Variants in KIAA1328 observed in about 807,000 individuals in gnomAD.
The protein encoded by KIAA1328 is protein hinderin.
KIAA1328 carries 52 observed loss-of-function variants against 68.1 expected under a neutral mutation model. That is an observed-to-expected ratio of 0.76 (90% CI 0.61 to 0.96). KIAA1328 has a LOEUF of 0.96. KIAA1328 is among the 40% of genes least tolerant of loss of function. The pLI is 0.00. For missense variants in KIAA1328, 641 were observed against 677.6 expected, an observed-to-expected ratio of 0.95 and a Z score of 0.60; for synonymous variants, 232 against 239.4, an observed-to-expected ratio of 0.97 and a Z score of 0.28.
At chr18:36,971,320 G>C (rs1368534682) in intron 6 of KIAA1328, among the ~76,000 whole-genome samples, 1 of 152,108 alleles carries the variant, frequency 6.6e-6, no homozygotes, top group Non-Finnish European at 1.5e-5. Flanking sequence ...AGACTTAAAC[G>C]TAAGACCTAA....
intron 9 of KIAA1328, among the ~76,000 whole-genome samples, chr18:37,221,366 C>A (rs778371996): frequency 6.6e-6 from 1 of 152,202 alleles, no homozygotes; most frequent in Non-Finnish European, 1.5e-5. Flanking sequence ...TAGCCTCTTA[C>A]ACATGAAAAG....
intron 6 of KIAA1328, among the ~76,000 whole-genome samples, chr18:37,057,682 G>A (rs1303653465): frequency 6.6e-6 from 1 of 151,356 alleles, no homozygotes; most frequent in Non-Finnish European, 1.5e-5. Context: ...TGATCCACCT[G>A]CCTCGGCCTC....
At chr18:37,130,164 A>G (rs1599372366) in intron 7 of KIAA1328, among the ~76,000 whole-genome samples, 2 of 152,210 alleles carry the variant, frequency 1.3e-5, no homozygotes, top group African/African-American at 4.8e-5. Context: ...TATGTATAAT[A>G]TATAGCATAA....
chr18:37,092,420 T>C (rs989921127), intron 7 of KIAA1328, among the ~76,000 whole-genome samples: 4 of 151,852 alleles, frequency 2.6e-5, no homozygotes, highest in Non-Finnish European at 5.9e-5. Flanking sequence ...CCACTGTGAG[T>C]CCTGCAGTCT....
chr18:37,203,812 C>CTT (rs758996149), intron 9 of KIAA1328, among the ~76,000 whole-genome samples: 24 of 142,288 alleles, frequency 1.7e-4, no homozygotes, highest in Non-Finnish European at 2.5e-4. Context: ...AACCCAGATT[C>CTT]TTTTTTTTTT....
chr18:37,215,242 A>G (rs535463634), intron 9 of KIAA1328, among the ~76,000 whole-genome samples: 52 of 152,288 alleles, frequency 3.4e-4, no homozygotes, highest in African/African-American at 1.2e-3. Context: ...TTCAAAGGGA[A>G]TGCTTCCAGT....
intron 7 of KIAA1328, among the ~76,000 whole-genome samples, chr18:37,104,185 G>A (rs752987358): frequency 6.6e-6 from 1 of 152,128 alleles, no homozygotes; most frequent in African/African-American, 2.4e-5. Context: ...CCAAAGGAAA[G>A]GAAATCAGTT....
intron 7 of KIAA1328, among the ~76,000 whole-genome samples, chr18:37,128,706 C>G (rs369264652): frequency 2.6e-5 from 4 of 152,140 alleles, no homozygotes; most frequent in Non-Finnish European, 5.9e-5. Context: ...CATGAATATT[C>G]ATAGCAGTTT....
intron 6 of KIAA1328, among the ~76,000 whole-genome samples, chr18:37,015,059 T>C (rs1331754031): frequency 6.6e-6 from 1 of 152,094 alleles, no homozygotes; most frequent in Non-Finnish European, 1.5e-5. Flanking sequence ...CGCACTGCCA[T>C]GCCCAGCTAA....
At chr18:37,073,156 T>G (rs1346585790) in intron 7 of KIAA1328, among the ~76,000 whole-genome samples, 2 of 152,076 alleles carry the variant, frequency 1.3e-5, no homozygotes, top group Non-Finnish European at 2.9e-5. Flanking sequence ...AAGCCAAAAT[T>G]GACAAATGGG....
intron 7 of KIAA1328, among the ~76,000 whole-genome samples, chr18:37,106,237 G>A (rs992721469): frequency 1.3e-5 from 2 of 151,900 alleles, no homozygotes; most frequent in African/African-American, 4.8e-5. Context: ...CCTTGAAAAC[G>A]TGCTATGATT....
At chr18:36,988,545 A>C (rs970831033) in intron 6 of KIAA1328, among the ~76,000 whole-genome samples, 7 of 152,210 alleles carry the variant, frequency 4.6e-5, no homozygotes, top group Non-Finnish European at 8.8e-5. Context: ...ACCGTTTGGC[A>C]AGCTGCATTA....
chr18:36,885,495 C>A, intron 4 of KIAA1328, 62 bp from the exon 5 acceptor site: 3 of 919,506 alleles, frequency 3.3e-6, no homozygotes, highest in Non-Finnish European at 4.8e-6. Flanking sequence ...TAAACTGCAG[C>A]TGTAGGCACA....
At chr18:36,990,958 A>C (rs1303321871) in intron 6 of KIAA1328, among the ~76,000 whole-genome samples, 1 of 152,188 alleles carries the variant, frequency 6.6e-6, no homozygotes, top group Non-Finnish European at 1.5e-5. Flanking sequence ...CTGTTTGTAT[A>C]AACAGTTAAT....
intron 4 of KIAA1328, among the ~76,000 whole-genome samples, chr18:36,860,454 A>AT (rs993771567): frequency 4.6e-4 from 69 of 151,514 alleles, no homozygotes; most frequent in Admixed American, 1.7e-3. Flanking sequence ...TTATAGCTGC[A>AT]TTTTTTTTCA....
At chr18:36,951,943 G>A (rs1238399579) in intron 5 of KIAA1328, among the ~76,000 whole-genome samples, 2 of 152,000 alleles carry the variant, frequency 1.3e-5, no homozygotes, top group East Asian at 3.9e-4. Flanking sequence ...CCTACCAGAG[G>A]TATCTTTATG....
chr18:37,218,065 G>T (rs530257489), intron 9 of KIAA1328, among the ~76,000 whole-genome samples: 15 of 152,152 alleles, frequency 9.9e-5, no homozygotes, highest in African/African-American at 3.6e-4. Flanking sequence ...AAGGGGAGGG[G>T]GACTTAAATG....
At chr18:36,917,541 T>C (rs1291482864) in intron 5 of KIAA1328, among the ~76,000 whole-genome samples, 3 of 152,196 alleles carry the variant, frequency 2.0e-5, no homozygotes, top group Non-Finnish European at 2.9e-5. Flanking sequence ...TTTTGAACTT[T>C]GTTTTGTTTT....
chr18:37,101,195 G>T (rs1297385764), intron 7 of KIAA1328, among the ~76,000 whole-genome samples: 1 of 152,148 alleles, frequency 6.6e-6, no homozygotes, highest in Non-Finnish European at 1.5e-5. Flanking sequence ...GAGAGAAGAA[G>T]GCTTCAGACG....
Sources: gnomAD v4.1 joint callset for allele counts (sites outside exome capture counted in the v4.1 genomes callset) on GRCh38, gnomAD v4.1.1 for gene constraint, MANE v1.5 for transcripts, NCBI Gene and HGNC (gene_info 2026-07-23, HGNC 2026-07-21) for gene names.